The following NRP1 variants were observed in gnomAD, a reference collection of about 807,000 sequenced individuals.
NRP1 encodes the protein neuropilin 1, also known as neuropilin-1.
A neutral mutation model predicts 106.7 loss-of-function variants in NRP1; 35 were observed. The ratio of observed to expected loss-of-function variants is 0.33; its 90% CI spans 0.25 to 0.43. NRP1 has a LOEUF of 0.43. NRP1 is among the 20% of genes least tolerant of loss of function. The pLI is 1.00. For missense variants in NRP1, 1,024 were observed against 1,170.4 expected (o/e 0.87, Z 1.83); for synonymous variants, 437 against 417.9 (o/e 1.05, Z -0.56).
intron 2 of NRP1, among the ~76,000 whole-genome samples, chr10:33,319,310 TA>T (rs1274440056): frequency 6.6e-6 from 1 of 151,864 alleles, no homozygotes; most frequent in Non-Finnish European, 1.5e-5. Context: ...CCAGAGGACT[TA>T]GACACCTTTT....
At chr10:33,194,674 T>C (rs1474681113) in intron 12 of NRP1, 1 of 495,138 alleles carries the variant, frequency 2.0e-6, no homozygotes, top group South Asian at 1.5e-5. Context: ...GTCTTGATCA[T>C]GTAACTTGTG....
intron 2 of NRP1, among the ~76,000 whole-genome samples, chr10:33,296,508 T>TA (rs1367258042): frequency 6.6e-6 from 1 of 152,198 alleles, no homozygotes; most frequent in Non-Finnish European, 1.5e-5. Flanking sequence ...GAGGTCTGGA[T>TA]ACAGACGGGG....
chr10:33,303,740 T>A (rs1283496416), intron 2 of NRP1, among the ~76,000 whole-genome samples: 2 of 152,196 alleles, frequency 1.3e-5, no homozygotes, highest in African/African-American at 4.8e-5. Context: ...AGAAAACATT[T>A]TATTTACATT....
intron 2 of NRP1, among the ~76,000 whole-genome samples, chr10:33,324,932 G>A (rs1847783716): frequency 6.6e-6 from 1 of 152,140 alleles, no homozygotes; most frequent in Non-Finnish European, 1.5e-5. Context: ...TGCCTGGCCT[G>A]TACATACAGA....
At chr10:33,245,148 G>T (rs1461195313) in intron 6 of NRP1, among the ~76,000 whole-genome samples, 2 of 152,198 alleles carry the variant, frequency 1.3e-5, no homozygotes, top group African/African-American at 2.4e-5. Context: ...GTCAAGAAGT[G>T]ATAAAAGCCA....
At chr10:33,298,052 C>T (rs1845539620) in intron 2 of NRP1, among the ~76,000 whole-genome samples, 2 of 151,822 alleles carry the variant, frequency 1.3e-5, no homozygotes, top group Non-Finnish European at 1.5e-5. Flanking sequence ...TTGGCAGGCA[C>T]GAAAATACAC....
At chr10:33,298,688 T>C (rs1409438271) in intron 2 of NRP1, among the ~76,000 whole-genome samples, 1 of 152,210 alleles carries the variant, frequency 6.6e-6, no homozygotes, top group Non-Finnish European at 1.5e-5. Flanking sequence ...TTTCAAGTTA[T>C]GTATTCTTAG....
chr10:33,281,051 C>CT (rs1409388209), intron 2 of NRP1, among the ~76,000 whole-genome samples: 1 of 118,758 alleles, frequency 8.4e-6, no homozygotes. Context: ...TGCAGCCTTC[C>CT]AAATTTTTTT....
intron 13 of NRP1, among the ~76,000 whole-genome samples, chr10:33,188,934 T>TATATATATATATAA: frequency 1.4e-5 from 2 of 144,308 alleles, no homozygotes; most frequent in African/African-American, 5.2e-5. Context: ...TATATATATA[T>TATATATATATATAA]ATAAATTAAA....
At chr10:33,298,748 A>T (rs1845593018) in intron 2 of NRP1, among the ~76,000 whole-genome samples, 1 of 152,162 alleles carries the variant, frequency 6.6e-6, no homozygotes, top group African/African-American at 2.4e-5. Flanking sequence ...GTAAGATGAG[A>T]AAGATAGTAT....
At chr10:33,217,840 T>C (rs748494058) in intron 8 of NRP1, among the ~76,000 whole-genome samples, 19 of 152,202 alleles carry the variant, frequency 1.2e-4, no homozygotes, top group Non-Finnish European at 2.1e-4. Flanking sequence ...TTGAGGTCGT[T>C]ATTTTCAGTG....
intron 2 of NRP1, among the ~76,000 whole-genome samples, chr10:33,280,086 C>A (rs1191794720): frequency 6.6e-6 from 1 of 152,044 alleles, no homozygotes; most frequent in Admixed American, 6.5e-5. Context: ...TCTAAGAATT[C>A]AAGACATATG....
At chr10:33,193,464 T>C (rs925328984) in intron 12 of NRP1, among the ~76,000 whole-genome samples, 2 of 152,224 alleles carry the variant, frequency 1.3e-5, no homozygotes, top group African/African-American at 2.4e-5. Context: ...AGCCCGCAGA[T>C]GCAGCTGTTT....
At chr10:33,242,440 C>T (rs531127858) in intron 6 of NRP1, among the ~76,000 whole-genome samples, 1 of 152,186 alleles carries the variant, frequency 6.6e-6, no homozygotes, top group Non-Finnish European at 1.5e-5. Context: ...CTGATTGAGA[C>T]TGGCAATGAT....
intron 2 of NRP1, among the ~76,000 whole-genome samples, chr10:33,324,699 C>CGGAT (rs1165012579): frequency 6.6e-6 from 1 of 152,220 alleles, no homozygotes; most frequent in East Asian, 1.9e-4. Flanking sequence ...TGCAATGGTG[C>CGGAT]GGATCTTGGC....
intron 11 of NRP1, chr10:33,202,557 C>A: frequency 2.2e-6 from 3 of 1,386,354 alleles, no homozygotes; most frequent in Non-Finnish European, 2.8e-6. Flanking sequence ...AGGGGTGGTG[C>A]ACGTGTTATT....
chr10:33,238,613 A>G (rs1025477134), intron 6 of NRP1, among the ~76,000 whole-genome samples: 3 of 152,236 alleles, frequency 2.0e-5, no homozygotes, highest in African/African-American at 7.2e-5. Context: ...GGTACAACAG[A>G]GAGAAAACTG....
chr10:33,297,416 T>C (rs569564498), intron 2 of NRP1, among the ~76,000 whole-genome samples: 43 of 152,338 alleles, frequency 2.8e-4, no homozygotes, highest in African/African-American at 1.0e-3. Context: ...CTGGGAGCGG[T>C]GGCTCACGCC....
intron 2 of NRP1, among the ~76,000 whole-genome samples, chr10:33,299,210 C>T (rs1434919025): frequency 6.6e-6 from 1 of 152,178 alleles, no homozygotes; most frequent in East Asian, 1.9e-4. Context: ...AAACCTGCAC[C>T]CCACCCTACA....
Sources: allele counts gnomAD v4.1 joint callset (sites outside exome capture counted in the v4.1 genomes callset), GRCh38; gene constraint gnomAD v4.1.1; transcripts MANE v1.5; gene names NCBI Gene and HGNC (gene_info 2026-07-23, HGNC 2026-07-21).